The following RANBP2 variants were observed in gnomAD, a reference collection of about 807,000 sequenced individuals.
The protein encoded by RANBP2 is E3 SUMO-protein ligase RanBP2.
Under a neutral mutation model 303.6 loss-of-function variants are expected in RANBP2, and 57 were observed. That is an observed-to-expected ratio of 0.19 (90% CI 0.15 to 0.23). The LOEUF is 0.23. Among genes scored for constraint, RANBP2 ranks in the 10% least tolerant of loss-of-function variants. The pLI is 1.00. For synonymous variants in RANBP2, 1,167 were observed against 1,301.5 expected, an observed-to-expected ratio of 0.90 and a Z score of 2.23; for missense variants, 3,138 against 3,780.8, an observed-to-expected ratio of 0.83 and a Z score of 4.46.
At chr2:109,410,268 A>G in the RANBP2 span, among the ~76,000 whole-genome samples, 7 of 152,220 alleles carry the variant, frequency 4.6e-5, no homozygotes, top group Admixed American at 3.9e-4. Context: ...TGACAGCCCA[A>G]TCTTTACTGA....
Position 108,763,720 on chromosome 2 carries a change from A to C in RANBP2, c.3181A>C (p.Ser1061Arg), listed in dbSNP as rs369162757. 2 of 1,613,990 alleles carry C rather than the reference A, an allele frequency of 1.2e-6. No homozygotes were observed. The highest frequency in any genetic ancestry group is 2.7e-5 in the African/African-American group (2 of 74,914). ...VVTQPPPAAY[S>R]NSESLLGLLT... ...GACACAGCCCCCTCCTGCAGCTTAC[A>C]GTAACAGTGAAAGCCTTTTAGGTCT... is the stretch of plus-strand genomic sequence containing the variant. The change falls in exon 20 of 29, where the codon AGT (serine) becomes CGT (arginine). Residue 1061 changes from serine to arginine, a missense_variant. Ser to Arg is a moderately radical substitution (Grantham distance 110, BLOSUM62 -1). This residue lies in a region of RANBP2 where 403 missense variants were observed against 376.7 expected (regional missense o/e 1.07). Coordinates refer to ENST00000283195, the MANE Select transcript of RANBP2 (RefSeq NM_006267.5).
the RANBP2 span, among the ~76,000 whole-genome samples, chr2:109,417,851 C>T: frequency 5.3e-5 from 8 of 152,124 alleles, no homozygotes; most frequent in Non-Finnish European, 1.2e-4. Context: ...GGTAGGTGGC[C>T]GGCGGCATGC....
At chr2:109,076,341 G>T in the RANBP2 span, among the ~76,000 whole-genome samples, 1 of 150,600 alleles carries the variant, frequency 6.6e-6, no homozygotes, top group Admixed American at 6.6e-5. Context: ...CATAATAATT[G>T]AAGAAAAATT....
At chr2:108,817,019 A>G in the RANBP2 span, among the ~76,000 whole-genome samples, 2 of 152,256 alleles carry the variant, frequency 1.3e-5, no homozygotes, top group Admixed American at 1.3e-4. Context: ...TAAAGGCCCC[A>G]CTTATCAATA....
chr2:109,368,725 A>G, the RANBP2 span, among the ~76,000 whole-genome samples: 1 of 145,684 alleles, frequency 6.9e-6, no homozygotes, highest in Non-Finnish European at 1.5e-5. Flanking sequence ...AAAAAAAAAG[A>G]AAAAGAAAAA....
At chr2:109,480,070 C>G in the RANBP2 span, among the ~76,000 whole-genome samples, 4 of 152,216 alleles carry the variant, frequency 2.6e-5, no homozygotes, top group East Asian at 1.9e-4. Flanking sequence ...GGAAAGGACC[C>G]CATCCTGGCA....
the RANBP2 span, among the ~76,000 whole-genome samples, chr2:109,389,563 A>T: frequency 6.6e-6 from 1 of 152,196 alleles, no homozygotes; most frequent in East Asian, 1.9e-4. Flanking sequence ...TTTGAAAACC[A>T]CTGCTCTAAG....
At chr2:108,926,559 G>A in the RANBP2 span, among the ~76,000 whole-genome samples, 4 of 152,180 alleles carry the variant, frequency 2.6e-5, no homozygotes, top group Non-Finnish European at 5.9e-5. Flanking sequence ...CCCTGCCCCC[G>A]CCATCCAGAA....
chr2:109,016,073 G>T, the RANBP2 span, among the ~76,000 whole-genome samples: 1 of 143,158 alleles, frequency 7.0e-6, no homozygotes, highest in African/African-American at 2.5e-5. Flanking sequence ...GGTGTTATTG[G>T]TTTTTTTGTT....
At chr2:109,422,427 A>G in the RANBP2 span, among the ~76,000 whole-genome samples, 3 of 152,144 alleles carry the variant, frequency 2.0e-5, no homozygotes, top group African/African-American at 7.2e-5. Context: ...CAGTGTGTCG[A>G]TGGCTGGATG....
At chr2:109,354,678 G>A in the RANBP2 span, among the ~76,000 whole-genome samples, 9 of 152,354 alleles carry the variant, frequency 5.9e-5, no homozygotes, top group South Asian at 6.2e-4. Context: ...AGTGTGCTCC[G>A]CCAGCCACCT....
the RANBP2 span, chr2:109,567,889 C>T: frequency 1.2e-6 from 2 of 1,613,886 alleles, no homozygotes; most frequent in East Asian, 4.5e-5. Flanking sequence ...CCATTGCTGA[C>T]CAATTCACTC....
the RANBP2 span, chr2:109,553,191 G>C: frequency 1.9e-6 from 3 of 1,614,030 alleles, no homozygotes; most frequent in Non-Finnish European, 2.5e-6. Flanking sequence ...TGGAACTCAT[G>C]TCTTTTGGCT....
rs536459426 is a variant in RANBP2, at chr2:108,729,121, A to C, written c.73-11A>C. 6 of 1,569,080 alleles carry C rather than the reference A, an allele frequency of 3.8e-6. No individual in the cohort carries two copies. The East Asian group carries it at 9.0e-5, about 24-fold the overall frequency. ...TGTATGAAAAGTAAAACAACTTTTA[A>C]TTTTTTTTAGAAGTCAATGAAAGGA... On this transcript the variant is annotated splice_polypyrimidine_tract_variant and intron_variant, in intron 1 of 28. Coordinates refer to ENST00000283195, the MANE Select transcript of RANBP2 (RefSeq NM_006267.5).
chr2:109,071,239 T>C, the RANBP2 span, among the ~76,000 whole-genome samples: 2 of 152,160 alleles, frequency 1.3e-5, no homozygotes, highest in East Asian at 3.9e-4. Flanking sequence ...AAAAGGTAAA[T>C]TCAAGGATGT....
chr2:109,502,542 C>T, the RANBP2 span: 3 of 152,144 alleles, frequency 2.0e-5, no homozygotes, highest in Non-Finnish European at 4.4e-5. Flanking sequence ...TCCCGCACCT[C>T]AGCGCTGGCC....
the RANBP2 span, among the ~76,000 whole-genome samples, chr2:109,733,605 C>A: frequency 6.6e-6 from 1 of 152,162 alleles, no homozygotes; most frequent in African/African-American, 2.4e-5. Context: ...GTAATCCCAG[C>A]ACTTTGTGAG....
intron 6 of RANBP2, among the ~76,000 whole-genome samples, chr2:108,739,127 G>C (rs1002990717): frequency 6.6e-6 from 1 of 151,976 alleles, no homozygotes; most frequent in Admixed American, 6.6e-5. Context: ...GCTCAGCGGG[G>C]CGCGGTGGCT....
the RANBP2 span, among the ~76,000 whole-genome samples, chr2:108,962,917 C>G: frequency 2.5e-4 from 38 of 152,152 alleles, no homozygotes; most frequent in Non-Finnish European, 3.8e-4. Flanking sequence ...CAGACAATCC[C>G]AGTGTTGTTC....
Sources: gnomAD v4.1 joint callset for allele counts (sites outside exome capture counted in the v4.1 genomes callset) on GRCh38, gnomAD v4.1.1 for gene constraint, gnomAD v4.1.1 regional missense constraint, MANE v1.5 for transcripts, NCBI Gene and HGNC (gene_info 2026-07-23, HGNC 2026-07-21) for gene names.